NDRG3: variants seen among roughly 807,000 people sequenced by gnomAD.
NDRG3 encodes the protein protein NDRG3.
A neutral mutation model predicts 57.2 loss-of-function variants in NDRG3; 23 were observed. The observed-to-expected ratio is 0.40, with a 90% confidence interval of 0.29 to 0.57. The LOEUF (loss-of-function observed/expected upper bound fraction) is 0.57, where lower values mean the gene tolerates loss of function less well. NDRG3 is among the 20% of genes least tolerant of loss of function. The pLI is 0.42. For missense variants in NDRG3, 384 were observed against 457.3 expected (o/e 0.84, Z 1.46); for synonymous variants, 132 against 162.6 (o/e 0.81, Z 1.43).
chr20:36,735,619 T>C (rs1347970164), intron 1 of NDRG3, among the ~76,000 whole-genome samples: 1 of 151,980 alleles, frequency 6.6e-6, no homozygotes, highest in Non-Finnish European at 1.5e-5. Context: ...GGGAGAATGA[T>C]GGGCCCTAAA....
chr20:36,660,812 G>A lies in NDRG3; in HGVS notation c.811-428C>T, dbSNP rs1273194384. 4.3e-4 allele frequency among the ~76,000 whole-genome samples: 66 copies of A among 152,092 alleles called. 1 individual carries two copies. The highest frequency in any genetic ancestry group is 1.3e-4 in the Non-Finnish European group (9 of 67,990). ...CCTGACCTCGTGATCCGCCCACCTC[G>A]GCCTCCCAAAGTGCTGGGATTACAG... On this transcript the variant is annotated intron_variant, in intron 12 of 15. Coordinates refer to ENST00000349004, the MANE Select transcript of NDRG3 (RefSeq NM_032013.4).
intron 3 of NDRG3, among the ~76,000 whole-genome samples, chr20:36,699,663 G>C (rs1453975354): frequency 6.6e-6 from 1 of 151,932 alleles, no homozygotes; most frequent in Non-Finnish European, 1.5e-5. Context: ...GGTAACTGAT[G>C]GTAACTGGTG....
intron 2 of NDRG3, among the ~76,000 whole-genome samples, chr20:36,716,792 A>C (rs1198896812): frequency 1.3e-5 from 2 of 152,106 alleles, no homozygotes; most frequent in Non-Finnish European, 2.9e-5. Context: ...GTTTATTACA[A>C]GGTCTTTTGG....
At chr20:36,744,910 A>C (rs967821190) in intron 1 of NDRG3, among the ~76,000 whole-genome samples, 1 of 138,504 alleles carries the variant, frequency 7.2e-6, no homozygotes, top group African/African-American at 2.6e-5. Context: ...CAGTCAGCCC[A>C]GTCCTGCTCT....
chr20:36,665,397 G>A, intron 10 of NDRG3, 96 bp from the exon 11 acceptor site: 6 of 1,102,836 alleles, frequency 5.4e-6, no homozygotes, highest in Non-Finnish European at 8.3e-6. Context: ...ATCAAGGAAT[G>A]CGAAACTATC....
intron 2 of NDRG3, among the ~76,000 whole-genome samples, chr20:36,720,001 G>A (rs1042327837): frequency 8.6e-5 from 13 of 151,188 alleles, no homozygotes; most frequent in African/African-American, 2.9e-4. Flanking sequence ...CAGCCACTCC[G>A]GAGGCTGAGG....
chr20:36,656,595 C>A, intron 13 of NDRG3, 63 bp from the exon 14 acceptor site: 1 of 1,572,950 alleles, frequency 6.4e-7, no homozygotes, highest in Non-Finnish European at 8.7e-7. Flanking sequence ...CTCTGAACAC[C>A]CCAAGTCCTT....
At chr20:36,700,630 G>A (rs1305952177) in intron 3 of NDRG3, 1 of 366,034 alleles carries the variant, frequency 2.7e-6, no homozygotes, top group Admixed American at 3.7e-5. Context: ...TCTCTATCCA[G>A]TTATCTCATC....
intron 1 of NDRG3, among the ~76,000 whole-genome samples, chr20:36,743,024 G>A (rs999483748): frequency 1.3e-5 from 2 of 152,114 alleles, no homozygotes; most frequent in African/African-American, 2.4e-5. Context: ...CAGCCACAGA[G>A]GGCAAAAGAA....
chr20:36,684,845 G>A (rs560976938), intron 5 of NDRG3, among the ~76,000 whole-genome samples: 10 of 146,222 alleles, frequency 6.8e-5, no homozygotes, highest in South Asian at 4.3e-4. Flanking sequence ...GCAAAACTCC[G>A]CCTCAAAAAA....
chr20:36,674,496 C>A (rs994115492), intron 8 of NDRG3, among the ~76,000 whole-genome samples: 5 of 151,980 alleles, frequency 3.3e-5, no homozygotes, highest in African/African-American at 1.2e-4. Context: ...AGCCACCACG[C>A]CCAGCCCTCT....
At chr20:36,670,879 G>A (rs1980091083) in intron 9 of NDRG3, among the ~76,000 whole-genome samples, 1 of 152,062 alleles carries the variant, frequency 6.6e-6, no homozygotes. Context: ...CCCCTACCCA[G>A]CAATTATGAA....
chr20:36,658,523 G>A (rs549225529), intron 13 of NDRG3, among the ~76,000 whole-genome samples: 5 of 152,334 alleles, frequency 3.3e-5, no homozygotes, highest in Admixed American at 1.3e-4. Flanking sequence ...AACTACAGGC[G>A]TTTGTGGTAA....
chr20:36,726,190 C>T (rs1010284430), intron 1 of NDRG3, among the ~76,000 whole-genome samples: 2 of 152,060 alleles, frequency 1.3e-5, no homozygotes, highest in Non-Finnish European at 1.5e-5. Context: ...TCCCAAAGTG[C>T]GGGATTACAG....
chr20:36,671,603 C>T lies in NDRG3; in HGVS notation c.532-206G>A, dbSNP rs141156310. Reference sequence around the variant, plus strand: ...AGATCATGAGGTCAGGAGATTGAGACCATCCTGGCTAACACGGTGAAACCC... The same window carrying T: ...AGATCATGAGGTCAGGAGATTGAGATCATCCTGGCTAACACGGTGAAACCC... On this transcript the variant is annotated intron_variant, in intron 8 of 15. Transcript: ENST00000349004. Among the ~76,000 whole-genome samples the T allele has an allele frequency of 4.4e-3, 665 of 152,178 alleles. 8 individuals carry two copies. Among genetic ancestry groups the T allele is most frequent in the African/African-American group, 0.015 (631 of 41,520 alleles).
At chr20:36,711,116 T>TAA (rs577163182) in intron 2 of NDRG3, among the ~76,000 whole-genome samples, 3 of 113,658 alleles carry the variant, frequency 2.6e-5, no homozygotes, top group African/African-American at 3.3e-5. Context: ...CCATCTCTAC[T>TAA]AAAAAAAAAA....
chr20:36,664,121 A>G (rs561503868), intron 12 of NDRG3, among the ~76,000 whole-genome samples: 1 of 152,290 alleles, frequency 6.6e-6, no homozygotes, highest in African/African-American at 2.4e-5. Flanking sequence ...CATTATTAAT[A>G]ATGCAAAATC....
At chr20:36,701,022 C>T (rs1164701930) in intron 3 of NDRG3, among the ~76,000 whole-genome samples, 1 of 152,152 alleles carries the variant, frequency 6.6e-6, no homozygotes, top group Non-Finnish European at 1.5e-5. Flanking sequence ...GATCTTCCTG[C>T]CACAGCCTCC....
intron 4 of NDRG3, 108 bp downstream of exon 4, chr20:36,688,571 C>A: frequency 1.2e-6 from 1 of 807,008 alleles, no homozygotes. Flanking sequence ...GGAAAGTTAC[C>A]ACAGAGAGGG....
Sources: gnomAD v4.1 joint callset for allele counts (sites outside exome capture counted in the v4.1 genomes callset) on GRCh38, gnomAD v4.1.1 for gene constraint, MANE v1.5 for transcripts, NCBI Gene and HGNC (gene_info 2026-07-23, HGNC 2026-07-21) for gene names.